The following MAST4 variants were observed in gnomAD, a reference collection of about 807,000 sequenced individuals.
MAST4 encodes the protein microtubule-associated serine/threonine-protein kinase 4.
In MAST4, 89 loss-of-function variants were observed where a neutral mutation model predicts 162.7. That is an observed-to-expected ratio of 0.55 (90% confidence interval 0.46 to 0.65). MAST4 has a LOEUF of 0.65. Ranked by LOEUF, MAST4 falls within the 30% of genes least tolerant of loss-of-function variation. The pLI, the probability that MAST4 is intolerant of heterozygous loss-of-function variation, is 0.00. For synonymous variants in MAST4, 1,479 were observed against 1,361.1 expected (o/e 1.09, Z -1.91); for missense variants, 3,153 against 3,374.0 (o/e 0.93, Z 1.62).
At chr5:66,929,584 C>T (rs571722204) in intron 4 of MAST4, among the ~76,000 whole-genome samples, 4 of 152,258 alleles carry the variant, frequency 2.6e-5, no homozygotes, top group African/African-American at 9.6e-5. Flanking sequence ...TGCTTTTTGT[C>T]AGGATGGTAA....
At position 66,941,467 on chromosome 5, in the gene MAST4, C is replaced by T. The variant is rs79208694; in HGVS notation, c.674+41485C>T. 6.3e-3 allele frequency among the ~76,000 whole-genome samples: 962 copies of T among 152,230 alleles called. 9 individuals carry two copies. The highest frequency in any genetic ancestry group is 0.022 in the African/African-American group (914 of 41,534). ...CTTCCATCTTACACAGCTTCCTCAC[C>T]CCTCTTAGCTCTCGTAGAATTGAAG... is the stretch of plus-strand genomic sequence containing the variant. On this transcript the variant is annotated intron_variant, in intron 4 of 28. Coordinates refer to ENST00000403625, the MANE Select transcript of MAST4 (RefSeq NM_001164664.2).
chr5:67,132,012 TAAAGATGTTTTCTTTTAGTC>T, intron 16 of MAST4, 61 bp downstream of exon 16: 1 of 1,530,630 alleles, frequency 6.5e-7, no homozygotes, highest in Non-Finnish European at 8.8e-7. Flanking sequence ...CGTATGTTTA[TAAAGATGTTTTCTTTTAGTC>T]AATGTACATT....
At position 67,136,560 on chromosome 5, in the gene MAST4, T is replaced by C. The variant is rs775297621; in HGVS notation, c.2393-3T>C. The C allele has an allele frequency of 3.1e-5, 49 of 1,596,360 alleles. No homozygotes were observed. The highest frequency in any genetic ancestry group is 4.0e-5 in the Non-Finnish European group (47 of 1,170,540). On this transcript the variant is annotated splice_region_variant and splice_polypyrimidine_tract_variant and intron_variant, in intron 18 of 28. Transcript: ENST00000403625. ...GGTTATAAACAACTTTTCTTCCTTC[T>C]AGATGAGATCAACTGGCCTGAGAAG...
chr5:67,141,632 T>C (rs900550787), intron 19 of MAST4, among the ~76,000 whole-genome samples: 15 of 152,238 alleles, frequency 9.9e-5, no homozygotes, highest in African/African-American at 3.6e-4. Flanking sequence ...TCTATGTTAA[T>C]GAGCAATCCA....
chr5:66,931,214 A>G (rs1033261113), intron 4 of MAST4, among the ~76,000 whole-genome samples: 1 of 152,200 alleles, frequency 6.6e-6, no homozygotes, highest in Non-Finnish European at 1.5e-5. Context: ...TTACCGAAGT[A>G]TATAAAATGA....
intron 3 of MAST4, among the ~76,000 whole-genome samples, chr5:66,829,267 C>T (rs1481649933): frequency 2.6e-5 from 4 of 151,948 alleles, no homozygotes; most frequent in East Asian, 1.9e-4. Flanking sequence ...AGTTTTGTGT[C>T]GGGATCAACC....
intron 1 of MAST4, among the ~76,000 whole-genome samples, chr5:66,597,965 A>G (rs974163148): frequency 6.6e-6 from 1 of 152,152 alleles, no homozygotes; most frequent in Non-Finnish European, 1.5e-5. Flanking sequence ...AGGCAGGGCC[A>G]CAAATAAAAC....
intron 4 of MAST4, among the ~76,000 whole-genome samples, chr5:67,008,476 A>G (rs982599518): frequency 1.1e-4 from 17 of 152,326 alleles, no homozygotes; most frequent in South Asian, 1.0e-3. Context: ...AAAGGGCTAC[A>G]ATTGATTTCT....
chr5:66,792,500 G>A (rs1755460281), intron 3 of MAST4: 1 of 158,396 alleles, frequency 6.3e-6, no homozygotes, highest in Non-Finnish European at 1.5e-5. Flanking sequence ...AAAGCATTCA[G>A]TAAATAATGT....
At chr5:66,604,436 G>C (rs967992986) in intron 1 of MAST4, among the ~76,000 whole-genome samples, 1 of 152,214 alleles carries the variant, frequency 6.6e-6, no homozygotes, top group Non-Finnish European at 1.5e-5. Flanking sequence ...AATGATGGTA[G>C]GTGGGAGGGA....
At chr5:66,750,994 C>A (rs1050168909) in intron 1 of MAST4, among the ~76,000 whole-genome samples, 9 of 152,158 alleles carry the variant, frequency 5.9e-5, no homozygotes, top group Non-Finnish European at 8.8e-5. Context: ...GACCCCTGAC[C>A]CCCAAGCAGC....
chr5:66,867,864 A>C (rs1760642951), intron 3 of MAST4, among the ~76,000 whole-genome samples: 4 of 152,242 alleles, frequency 2.6e-5, no homozygotes, highest in African/African-American at 9.6e-5. Flanking sequence ...GGCATTAACC[A>C]GGAGGTGAGT....
chr5:66,986,338 A>C, intron 4 of MAST4: 10 of 666,024 alleles, frequency 1.5e-5, no homozygotes, highest in Non-Finnish European at 2.0e-5. Flanking sequence ...TATAGAAAGT[A>C]TGGATCCATA....
At chr5:66,918,122 A>G (rs1030041149) in intron 4 of MAST4, among the ~76,000 whole-genome samples, 15 of 152,168 alleles carry the variant, frequency 9.9e-5, no homozygotes, top group African/African-American at 3.6e-4. Flanking sequence ...TAATTGTACA[A>G]TCATGCCAAG....
At chr5:66,700,781 TTATATA>T (rs60991449) in intron 1 of MAST4, among the ~76,000 whole-genome samples, 18 of 142,782 alleles carry the variant, frequency 1.3e-4, no homozygotes, top group African/African-American at 3.3e-4. Flanking sequence ...AAAAAAAAAA[TTATATA>T]TATATATATA....
chr5:67,117,899 A>C (rs1767114984), intron 12 of MAST4, among the ~76,000 whole-genome samples: 1 of 152,210 alleles, frequency 6.6e-6, no homozygotes, highest in Non-Finnish European at 1.5e-5. Context: ...GGTAGTACTT[A>C]AAGCTGGTGT....
intron 1 of MAST4, among the ~76,000 whole-genome samples, chr5:66,606,734 A>G (rs1448385662): frequency 6.6e-6 from 1 of 152,096 alleles, no homozygotes; most frequent in East Asian, 1.9e-4. Flanking sequence ...TGTCATATCA[A>G]CTCAAATCTT....
At chr5:67,158,283 A>C (rs1284695038) in intron 26 of MAST4, among the ~76,000 whole-genome samples, 1 of 152,228 alleles carries the variant, frequency 6.6e-6, no homozygotes, top group Admixed American at 6.5e-5. Context: ...GGCTTGCATG[A>C]AGAATGTTTA....
intron 1 of MAST4, among the ~76,000 whole-genome samples, chr5:66,663,251 A>G (rs1029415666): frequency 6.6e-6 from 1 of 151,512 alleles, no homozygotes; most frequent in African/African-American, 2.4e-5. Flanking sequence ...TTAATCACCA[A>G]CTCCTTTTTA....
Sources: gnomAD v4.1 joint callset for allele counts (sites outside exome capture counted in the v4.1 genomes callset) on GRCh38, gnomAD v4.1.1 for gene constraint, MANE v1.5 for transcripts, NCBI Gene and HGNC (gene_info 2026-07-23, HGNC 2026-07-21) for gene names.